FARS2: variants seen among roughly 807,000 people sequenced by gnomAD.
The protein encoded by FARS2 is phenylalanyl-tRNA synthetase 2, mitochondrial.
Under a neutral mutation model 46.4 loss-of-function variants are expected in FARS2, and 40 were observed. That is an observed-to-expected ratio of 0.86 (90% CI 0.67 to 1.12). The LOEUF is 1.12. FARS2 is among the 50% of genes most tolerant of loss of function. The pLI is 0.00. For synonymous variants in FARS2, 234 were observed against 214.9 expected, an observed-to-expected ratio of 1.09 and a Z score of -0.78; for missense variants, 513 against 567.9, an observed-to-expected ratio of 0.90 and a Z score of 0.98.
At chr6:5,760,981 C>T (rs1460730458) in intron 6 of FARS2, among the ~76,000 whole-genome samples, 1 of 152,196 alleles carries the variant, frequency 6.6e-6, no homozygotes, top group African/African-American at 2.4e-5. Flanking sequence ...CCCTATTGGG[C>T]CATTTGTACC....
Position 5,730,519 on chromosome 6 carries a change from G to T in FARS2, c.1218-40772G>T, listed in dbSNP as rs374287570. ...AAAGGATTTTCTAGATTACAAAGAGGTTTTTTTTTTTACAACTAGAACTGT... is the reference window on the plus strand; with the variant it reads ...AAAGGATTTTCTAGATTACAAAGAGTTTTTTTTTTTTACAACTAGAACTGT... On this transcript the variant is annotated intron_variant, in intron 6 of 6. Coordinates refer to ENST00000274680, the MANE Select transcript of FARS2 (RefSeq NM_006567.5). Among the ~76,000 whole-genome samples the T allele has an allele frequency of 3.0e-3, 441 of 148,042 alleles. 1 individual carries two copies. The highest frequency in any genetic ancestry group is 5.1e-3 in the Non-Finnish European group (339 of 66,728).
At chr6:5,487,613 A>G (rs1766853210) in intron 4 of FARS2, among the ~76,000 whole-genome samples, 1 of 152,236 alleles carries the variant, frequency 6.6e-6, no homozygotes, top group African/African-American at 2.4e-5. Context: ...TGGCAGAGCC[A>G]GATTCAACCC....
At chr6:5,585,372 A>G (rs1350973938) in intron 5 of FARS2, among the ~76,000 whole-genome samples, 2 of 152,186 alleles carry the variant, frequency 1.3e-5, no homozygotes, top group Admixed American at 6.5e-5. Flanking sequence ...CAAGTAAACA[A>G]TACAATATTA....
At chr6:5,396,177 T>A (rs1337906492) in intron 2 of FARS2, among the ~76,000 whole-genome samples, 1 of 152,226 alleles carries the variant, frequency 6.6e-6, no homozygotes, top group Non-Finnish European at 1.5e-5. Flanking sequence ...ATGTATATTA[T>A]GTTTAAAAGG....
chr6:5,710,002 G>A (rs1218673803), intron 6 of FARS2, among the ~76,000 whole-genome samples: 1 of 152,136 alleles, frequency 6.6e-6, no homozygotes, highest in African/African-American at 2.4e-5. Context: ...TCATTTCTAT[G>A]GGCCATTTTC....
chr6:5,296,771 C>T (rs1014254125), intron 1 of FARS2, among the ~76,000 whole-genome samples: 1 of 152,114 alleles, frequency 6.6e-6, no homozygotes, highest in Admixed American at 6.5e-5. Context: ...TTTTTAAGGC[C>T]GAGTAGTATT....
intron 6 of FARS2, among the ~76,000 whole-genome samples, chr6:5,722,069 A>G (rs997897976): frequency 1.3e-5 from 2 of 152,190 alleles, no homozygotes; most frequent in African/African-American, 4.8e-5. Context: ...TCCAGCTTTA[A>G]TGGATGAAAC....
intron 4 of FARS2, among the ~76,000 whole-genome samples, chr6:5,509,857 A>C (rs944966629): frequency 1.3e-5 from 2 of 151,840 alleles, no homozygotes; most frequent in African/African-American, 4.8e-5. Flanking sequence ...GCATATGCAC[A>C]CTCCTCTACA....
rs142456475 is a variant in FARS2, at chr6:5,554,669, T to G, written c.1065+9329T>G. 1.6e-4 allele frequency among the ~76,000 whole-genome samples: 24 copies of G among 152,356 alleles called. No individual in the cohort carries two copies. In the East Asian group the frequency reaches 4.0e-3, roughly 26 times the overall value. On this transcript the variant is annotated intron_variant, in intron 5 of 6. Transcript: ENST00000274680. ...AAGCCATTGAGCTAAATGCTTTGCCTATGTTAGAGCTTTTATGCATCACAG... is the reference window on the plus strand; with the variant it reads ...AAGCCATTGAGCTAAATGCTTTGCCGATGTTAGAGCTTTTATGCATCACAG...
intron 4 of FARS2, 106 bp from the exon 5 acceptor site, chr6:5,545,074 C>A (rs571249861): frequency 2.7e-6 from 3 of 1,091,348 alleles, no homozygotes; most frequent in African/African-American, 3.1e-5. Flanking sequence ...TGCCTTTGCC[C>A]GCTGGTAGGC....
chr6:5,317,027 A>G lies in FARS2; in HGVS notation c.-21-51523A>G, dbSNP rs540780448. ...ATCACACTCACCTCCTGTCACACTC[A>G]CCTCCTCTCACACTCGCCTCCACAT... On this transcript the variant is annotated intron_variant, in intron 1 of 6. Transcript: ENST00000274680. Among the ~76,000 whole-genome samples, 475 of 151,938 alleles carry G rather than the reference A, an allele frequency of 3.1e-3. 2 individuals carry two copies. Among genetic ancestry groups the G allele is most frequent in the African/African-American group, 0.011 (455 of 41,388 alleles).
chr6:5,608,011 A>G (rs1774944238), intron 5 of FARS2, among the ~76,000 whole-genome samples: 1 of 149,500 alleles, frequency 6.7e-6, no homozygotes, highest in Non-Finnish European at 1.5e-5. Flanking sequence ...GTTTCCAAAT[A>G]TATGAATTTT....
intron 1 of FARS2, among the ~76,000 whole-genome samples, chr6:5,350,676 C>T (rs1757519712): frequency 6.6e-6 from 1 of 152,066 alleles, no homozygotes; most frequent in Non-Finnish European, 1.5e-5. Flanking sequence ...AAAAATTAGC[C>T]CAAAATGAAT....
chr6:5,297,671 AC>A (rs1483842035), intron 1 of FARS2, among the ~76,000 whole-genome samples: 4 of 146,520 alleles, frequency 2.7e-5, no homozygotes, highest in South Asian at 4.4e-4. Flanking sequence ...ATAAAAAAAA[AC>A]CCAAAAGAAC....
chr6:5,724,238 G>A (rs894165427), intron 6 of FARS2, among the ~76,000 whole-genome samples: 8 of 152,238 alleles, frequency 5.3e-5, no homozygotes, highest in Admixed American at 2.6e-4. Flanking sequence ...GGCAACCACC[G>A]GTGCCCTCCC....
chr6:5,405,875 G>A, intron 3 of FARS2, among the ~76,000 whole-genome samples: 1 of 152,248 alleles, frequency 6.6e-6, no homozygotes, highest in African/African-American at 2.4e-5. Flanking sequence ...ATCAACAGGA[G>A]TATATTAACA....
chr6:5,426,063 G>A (rs950156131), intron 3 of FARS2, among the ~76,000 whole-genome samples: 1 of 152,026 alleles, frequency 6.6e-6, no homozygotes, highest in African/African-American at 2.4e-5. Context: ...TGTGGCTCTA[G>A]GCTGAAAATT....
Position 5,613,965 on chromosome 6 carries a change from C to T in FARS2, c.1217+645C>T, listed in dbSNP as rs139651134. On this transcript the variant is annotated intron_variant, in intron 6 of 6. Coordinates refer to ENST00000274680, the MANE Select transcript of FARS2 (RefSeq NM_006567.5). ...GCAGTGAAGAAAGAAGAAGGAGCATCGCAGATAGCACATGGGAGTCCTGGG... is the reference window on the plus strand; with the variant it reads ...GCAGTGAAGAAAGAAGAAGGAGCATTGCAGATAGCACATGGGAGTCCTGGG... Among the ~76,000 whole-genome samples the T allele has an allele frequency of 5.3e-5, 8 of 152,034 alleles. No homozygotes were observed. The East Asian group carries it at 9.7e-4, about 18-fold the overall frequency.
At chr6:5,278,511 C>T (rs1172786829) in intron 1 of FARS2, among the ~76,000 whole-genome samples, 3 of 152,030 alleles carry the variant, frequency 2.0e-5, no homozygotes, top group Admixed American at 6.5e-5. Flanking sequence ...ATGTTAATGG[C>T]GTACTTTATT....
Sources: gnomAD v4.1 joint callset for allele counts (sites outside exome capture counted in the v4.1 genomes callset) on GRCh38, gnomAD v4.1.1 for gene constraint, MANE v1.5 for transcripts, NCBI Gene and HGNC (gene_info 2026-07-23, HGNC 2026-07-21) for gene names.